Variants in USP10 observed in about 807,000 individuals in gnomAD.
USP10 encodes the protein ubiquitin carboxyl-terminal hydrolase 10.
In USP10, 22 loss-of-function variants were observed where a neutral mutation model predicts 84.5. The observed-to-expected ratio is 0.26, with a 90% CI of 0.19 to 0.37. The LOEUF (loss-of-function observed/expected upper bound fraction) is 0.37. USP10 is among the 10% of genes least tolerant of loss of function. USP10 has a pLI of 1.00. For synonymous variants in USP10, 454 were observed against 387.6 expected (o/e 1.17, Z -2.01); for missense variants, 1,019 against 998.9 (o/e 1.02, Z -0.27).
intron 1 of USP10, among the ~76,000 whole-genome samples, chr16:84,728,793 C>T (rs1908845623): frequency 6.6e-6 from 1 of 152,042 alleles, no homozygotes; most frequent in Admixed American, 6.5e-5. Context: ...TTATAAGCAG[C>T]ACCTCTTCTT....
intron 1 of USP10, among the ~76,000 whole-genome samples, chr16:84,700,692 G>T (rs753973600): frequency 6.6e-6 from 1 of 152,174 alleles, no homozygotes; most frequent in Admixed American, 6.5e-5. Flanking sequence ...AAGAAAACTC[G>T]AAATAAGTCG....
chr16:84,738,344 C>T (rs915089273), intron 2 of USP10, among the ~76,000 whole-genome samples: 21 of 152,298 alleles, frequency 1.4e-4, no homozygotes, highest in African/African-American at 5.1e-4. Flanking sequence ...TTTCATGCCT[C>T]AAAATAACAC....
At chr16:84,704,934 C>T in intron 1 of USP10, 1 of 1,532,072 alleles carries the variant, frequency 6.5e-7, no homozygotes, top group East Asian at 2.4e-5. Flanking sequence ...TTTGGGCTCA[C>T]ATGAGAATTG....
chr16:84,714,591 A>G (rs1906755961), intron 1 of USP10, among the ~76,000 whole-genome samples: 1 of 151,414 alleles, frequency 6.6e-6, no homozygotes, highest in Non-Finnish European at 1.5e-5. Flanking sequence ...ATTGTTTTTT[A>G]AGGACTGCAG....
chr16:84,770,662 C>G (rs1300853665), intron 11 of USP10, among the ~76,000 whole-genome samples: 1 of 151,626 alleles, frequency 6.6e-6, no homozygotes, highest in Non-Finnish European at 1.5e-5. Flanking sequence ...ATCCCAGCTA[C>G]TCAGGAGGCT....
intron 4 of USP10, among the ~76,000 whole-genome samples, chr16:84,758,126 T>C (rs900641624): frequency 6.6e-6 from 1 of 152,238 alleles, no homozygotes; most frequent in South Asian, 2.1e-4. Flanking sequence ...ATAAGGGAAT[T>C]ACAGTTTATA....
intron 13 of USP10, among the ~76,000 whole-genome samples, chr16:84,775,717 A>G (rs115275914): frequency 6.6e-6 from 1 of 152,198 alleles, no homozygotes; most frequent in Admixed American, 6.5e-5. Flanking sequence ...TCAGTCAGTC[A>G]TGAGAAATCT....
At chr16:84,778,756 G>C (rs766250718) in intron 13 of USP10, 139 bp from the exon 14 acceptor site, 89 of 803,456 alleles carry the variant, frequency 1.1e-4, no homozygotes, top group Non-Finnish European at 1.7e-4. Context: ...TGGTTTGTGT[G>C]ATGACATCTC....
chr16:84,702,583 T>C (rs2043390687), intron 1 of USP10, among the ~76,000 whole-genome samples: 1 of 152,238 alleles, frequency 6.6e-6, no homozygotes. Flanking sequence ...ATGGTATGTA[T>C]ATTACTTGTT....
chr16:84,710,072 C>T (rs930975733), intron 1 of USP10, among the ~76,000 whole-genome samples: 2 of 152,090 alleles, frequency 1.3e-5, no homozygotes, highest in African/African-American at 4.8e-5. Context: ...GAGTTTGAGA[C>T]CAGTCTGGCC....
chr16:84,758,852 G>C (rs374960440), intron 5 of USP10, 45 bp downstream of exon 5: 138 of 1,427,432 alleles, frequency 9.7e-5, no homozygotes, highest in Non-Finnish European at 1.3e-4. Context: ...TGTTGCAGCT[G>C]TCCCTCCTTT....
chr16:84,740,481 G>C, intron 3 of USP10, 112 bp downstream of exon 3: 2 of 902,916 alleles, frequency 2.2e-6, no homozygotes, highest in East Asian at 2.6e-5. Flanking sequence ...TTTGTAGCTT[G>C]AAGTTTTTGC....
chr16:84,779,014 C>A lies in USP10; in HGVS notation c.2329C>A (p.Gln777Lys). The A allele has an allele frequency of 6.2e-7, 1 of 1,614,034 alleles. No individual in the cohort carries two copies. The highest frequency in any genetic ancestry group is 8.5e-7 in the Non-Finnish European group (1 of 1,179,904). Residue 777 changes from glutamine (Q) to lysine (K), a missense_variant, in exon 14 of 14, where the codon CAG becomes AAG. By Grantham distance (53) the Gln-to-Lys change is moderately conservative. Transcript: ENST00000219473. ...GACAGTCAAGGTGATCAACCAGTACCAGGTGGTGAAACCAACTGCTGAACG... is the reference window on the plus strand; with the variant it reads ...GACAGTCAAGGTGATCAACCAGTACAAGGTGGTGAAACCAACTGCTGAACG... The part of the protein sequence containing the change: ...DQTVKVINQY[Q>K]VVKPTAERTA...
At chr16:84,701,900 C>G (rs959234204) in intron 1 of USP10, among the ~76,000 whole-genome samples, 1 of 146,642 alleles carries the variant, frequency 6.8e-6, no homozygotes, top group African/African-American at 2.5e-5. Flanking sequence ...GAGAAAGTAG[C>G]AAAGGAAATA....
intron 1 of USP10, among the ~76,000 whole-genome samples, chr16:84,714,169 G>A (rs1906688611): frequency 6.6e-6 from 1 of 152,214 alleles, no homozygotes; most frequent in Non-Finnish European, 1.5e-5. Flanking sequence ...AGCGTGGAGG[G>A]CTTGAACAGT....
chr16:84,738,600 C>A (rs889547141), intron 2 of USP10, among the ~76,000 whole-genome samples: 2 of 152,152 alleles, frequency 1.3e-5, no homozygotes, highest in African/African-American at 4.8e-5. Flanking sequence ...TAGTGTAGCC[C>A]ATCTCAGCAT....
chr16:84,706,336 AT>A (rs1482794469), intron 1 of USP10, among the ~76,000 whole-genome samples: 19 of 152,060 alleles, frequency 1.2e-4, no homozygotes, highest in African/African-American at 4.3e-4. Context: ...CATTAAAACA[AT>A]TTTTTTATAC....
In USP10 at chr16:84,704,778, G is replaced by T. The variant is rs186380348; in HGVS notation, c.21+4667G>T. The T allele has an allele frequency of 1.1e-5, 17 of 1,535,240 alleles. No homozygotes were observed. In the East Asian group the frequency reaches 3.9e-4, roughly 35 times the overall value. ...ATCCCATTTTCATCAGATGACTTGA[G>T]AACCCAGAAGCTCTACCAGCACTGC... On this transcript the variant is annotated intron_variant, in intron 1 of 13. Coordinates refer to ENST00000219473, the MANE Select transcript of USP10 (RefSeq NM_005153.3).
intron 12 of USP10, among the ~76,000 whole-genome samples, chr16:84,774,173 C>G (rs1231300942): frequency 6.6e-6 from 1 of 151,404 alleles, no homozygotes; most frequent in African/African-American, 2.4e-5. Flanking sequence ...TCGCTTGAAC[C>G]TGGGAAGCAG....
Sources: gnomAD v4.1 joint callset for allele counts (sites outside exome capture counted in the v4.1 genomes callset) on GRCh38, gnomAD v4.1.1 for gene constraint, MANE v1.5 for transcripts, NCBI Gene and HGNC (gene_info 2026-07-23, HGNC 2026-07-21) for gene names.